NSG1: variants seen among roughly 807,000 people sequenced by gnomAD.
NSG1 encodes the protein neuronal vesicle trafficking-associated protein 1.
Under a neutral mutation model 19.3 loss-of-function variants are expected in NSG1, and 9 were observed. The ratio of observed to expected loss-of-function variants is 0.47; its 90% confidence interval spans 0.28 to 0.81. NSG1 has a LOEUF of 0.81. Among genes scored for constraint, NSG1 ranks in the 40% least tolerant of loss-of-function variants. The pLI is 0.11. For missense variants in NSG1, 236 were observed against 242.4 expected (o/e 0.97, Z 0.18); for synonymous variants, 104 against 107.0 (o/e 0.97, Z 0.17).
chr4:4,403,847 C>T (rs1172492338), intron 3 of NSG1, among the ~76,000 whole-genome samples: 1 of 152,212 alleles, frequency 6.6e-6, no homozygotes, highest in Non-Finnish European at 1.5e-5. Flanking sequence ...CAGAGCTCCT[C>T]CTAATGGTAG....
At chr4:4,406,115 C>T (rs189995749) in intron 3 of NSG1, among the ~76,000 whole-genome samples, 54 of 152,290 alleles carry the variant, frequency 3.5e-4, no homozygotes, top group African/African-American at 1.2e-3. Flanking sequence ...GCAACCTCCA[C>T]CTCCTGGGTT....
intron 4 of NSG1, chr4:4,415,848 G>A (rs921555057): frequency 4.3e-5 from 21 of 487,504 alleles, no homozygotes; most frequent in East Asian, 4.2e-4. Context: ...AGAGGACAGC[G>A]TGAAGGGGCG....
At chr4:4,391,660 G>C (rs1723002934) in intron 3 of NSG1, 69 bp downstream of exon 3, 2 of 1,051,018 alleles carry the variant, frequency 1.9e-6, no homozygotes, top group Non-Finnish European at 2.8e-6. Flanking sequence ...CTGCATAGAT[G>C]CCCTGCAGGG....
At chr4:4,400,565 G>A (rs554804476) in intron 3 of NSG1, among the ~76,000 whole-genome samples, 3 of 152,266 alleles carry the variant, frequency 2.0e-5, no homozygotes, top group Non-Finnish European at 4.4e-5. Flanking sequence ...ACAATATTAT[G>A]TTTTTCAATC....
chr4:4,402,368 G>GTTTTTTTTTTTTTT (rs1560143233), intron 3 of NSG1, among the ~76,000 whole-genome samples: 15 of 99,598 alleles, frequency 1.5e-4, no homozygotes, highest in African/African-American at 6.2e-4. Context: ...ACCACGCCTG[G>GTTTTTTTTTTTTTT]TTATTTTTTT....
intron 1 of NSG1, 83 bp from the exon 2 acceptor site, chr4:4,387,519 ACG>A: frequency 1.1e-6 from 1 of 908,206 alleles, no homozygotes; most frequent in Non-Finnish European, 1.6e-6. Context: ...GGACGCCGGG[ACG>A]CCGGTGGGTG....
chr4:4,390,523 G>T (rs1469304859), intron 2 of NSG1, among the ~76,000 whole-genome samples: 1 of 152,236 alleles, frequency 6.6e-6, no homozygotes, highest in Non-Finnish European at 1.5e-5. Context: ...TGGAGAGCAG[G>T]TGACGGACTG....
rs1023181545 is a variant in NSG1 at position 4,417,840 on chromosome 4, G to A, written c.*405G>A. 1.0e-5 allele frequency: 3 copies of A among 287,036 alleles called. No homozygotes were observed. The highest frequency in any genetic ancestry group is 5.1e-5 in the Admixed American group (1 of 19,720). 17.8% of individuals were successfully genotyped at this position (287,036 alleles called of 1,614,324 possible). On this transcript the variant is annotated 3_prime_UTR_variant, in exon 5 of 5. Transcript: ENST00000621129. Reference sequence around the variant, plus strand: ...ATAGCCATATCTAGAGTGATCTCTCGCTGTGCTAAGAGCAAGCCTACTTCG... The same window carrying A: ...ATAGCCATATCTAGAGTGATCTCTCACTGTGCTAAGAGCAAGCCTACTTCG...
Position 4,417,493 on chromosome 4 carries a change from G to T in NSG1, c.*58G>T. On this transcript the variant is annotated 3_prime_UTR_variant, in exon 5 of 5. Transcript: ENST00000621129. ...TGCAAATAACAAAGGGACTTTGAGG[G>T]ACATTTCATTAAATATAATTACTGA... is the stretch of plus-strand genomic sequence containing the variant. 6.7e-7 allele frequency: 1 copy of T among 1,482,204 alleles called. No individual in the cohort carries two copies. The highest frequency in any genetic ancestry group is 1.1e-5 in the South Asian group (1 of 87,392). 91.8% of individuals were successfully genotyped at this position (1,482,204 alleles called of 1,614,324 possible). A position where few individuals can be genotyped will look rare whatever the true frequency, so the allele number is the denominator to read the frequency against.
intron 4 of NSG1, 25 bp from the exon 5 acceptor site, chr4:4,417,210 C>T (rs962873725): frequency 1.2e-6 from 2 of 1,609,518 alleles, no homozygotes; most frequent in Non-Finnish European, 1.7e-6. Flanking sequence ...CCGACGCGTG[C>T]TCTCAGTGGC....
intron 1 of NSG1, 86 bp from the exon 2 acceptor site, chr4:4,387,518 G>A (rs925502498): frequency 2.4e-5 from 22 of 910,878 alleles, no homozygotes; most frequent in Middle Eastern, 6.9e-4. Flanking sequence ...CGGACGCCGG[G>A]ACGCCGGTGG....
chr4:4,393,925 A>G (rs1723119186), intron 3 of NSG1, among the ~76,000 whole-genome samples: 1 of 152,140 alleles, frequency 6.6e-6, no homozygotes, highest in Non-Finnish European at 1.5e-5. Context: ...CTCATTTGCA[A>G]CAGACCTCAC....
intron 3 of NSG1, among the ~76,000 whole-genome samples, chr4:4,402,395 T>TTA (rs1723605820): frequency 1.8e-5 from 2 of 109,174 alleles, no homozygotes; most frequent in Middle Eastern, 4.0e-3. Flanking sequence ...TTTTTTTTTT[T>TTA]TTTTTTTTTT....
chr4:4,411,778 CAAAACAAAACA>C (rs1455041197), intron 4 of NSG1, among the ~76,000 whole-genome samples: 1 of 131,578 alleles, frequency 7.6e-6, no homozygotes, highest in Non-Finnish European at 1.5e-5. Context: ...CAAAACAAAA[CAAAACAAAACA>C]AAACATTGCC....
At position 4,417,682 on chromosome 4, in the gene NSG1, C is replaced by A; in HGVS notation, c.*247C>A. The A allele has an allele frequency of 1.9e-6, 1 of 519,936 alleles. No individual in the cohort carries two copies. The highest frequency in any genetic ancestry group is 3.4e-6 in the Non-Finnish European group (1 of 290,130). 32.2% of individuals were successfully genotyped at this position (519,936 alleles called of 1,614,324 possible). A position where few individuals can be genotyped will look rare whatever the true frequency, so the allele number is the denominator to read the frequency against. On this transcript the variant is annotated 3_prime_UTR_variant, in exon 5 of 5. Transcript: ENST00000621129. ...TTCATGTTAAGATCTTCATTTAGCT[C>A]CTTTACTGGGATTTATTGGATGCTG...
intron 3 of NSG1, among the ~76,000 whole-genome samples, chr4:4,404,115 T>C (rs2108742893): frequency 6.6e-6 from 1 of 152,350 alleles, no homozygotes; most frequent in South Asian, 2.1e-4. Context: ...CTGGAGTCAC[T>C]GCGAATGGCC....
Position 4,402,669 on chromosome 4 carries a change from T to A in NSG1, c.247-6904T>A, listed in dbSNP as rs567348113. 2.9e-4 allele frequency among the ~76,000 whole-genome samples: 44 copies of A among 152,362 alleles called. 1 individual carries two copies. The highest frequency in any genetic ancestry group is 1.0e-3 in the African/African-American group (42 of 41,590). ...TCCCAAAGGGCTGGAATGACAGGCC[T>A]GAGCCATGGTGCCCGGCCTTTCTCC... On this transcript the variant is annotated intron_variant, in intron 3 of 4. Transcript: ENST00000621129.
At chr4:4,401,105 A>T (rs1187473510) in intron 3 of NSG1, among the ~76,000 whole-genome samples, 1 of 152,216 alleles carries the variant, frequency 6.6e-6, no homozygotes, top group Non-Finnish European at 1.5e-5. Context: ...ATGCACAGCA[A>T]TGAGTACAAA....
chr4:4,407,401 G>A (rs895510368), intron 3 of NSG1, among the ~76,000 whole-genome samples: 1 of 152,058 alleles, frequency 6.6e-6, no homozygotes, highest in Non-Finnish European at 1.5e-5. Context: ...ATGGGAGGGC[G>A]GGCGGTGGGA....
Sources: allele counts gnomAD v4.1 joint callset (sites outside exome capture counted in the v4.1 genomes callset), GRCh38; gene constraint gnomAD v4.1.1; transcripts MANE v1.5; gene names NCBI Gene and HGNC (gene_info 2026-07-23, HGNC 2026-07-21).